LRRK1: variants seen among roughly 807,000 people sequenced by gnomAD.
LRRK1 encodes leucine rich repeat kinase 1, also known as leucine-rich repeat serine/threonine-protein kinase 1.
LRRK1 carries 113 observed loss-of-function variants against 209.1 expected under a neutral mutation model. The ratio of observed to expected loss-of-function variants is 0.54; its 90% confidence interval spans 0.46 to 0.63. LRRK1 has a LOEUF of 0.63. Among genes scored for constraint, LRRK1 ranks in the 30% least tolerant of loss-of-function variants. The pLI, the probability that LRRK1 is intolerant of heterozygous loss-of-function variation, is 0.00. For missense variants in LRRK1, 2,284 were observed against 2,632.2 expected (o/e 0.87, Z 2.89); for synonymous variants, 1,144 against 1,099.7 (o/e 1.04, Z -0.80).
chr15:100,923,625 T>TA (rs1390017896), intron 1 of LRRK1, among the ~76,000 whole-genome samples: 1 of 152,172 alleles, frequency 6.6e-6, no homozygotes, highest in Non-Finnish European at 1.5e-5. Context: ...GATGGGCACT[T>TA]ATGCCCATGG....
At chr15:100,959,517 G>A (rs963885668) in intron 2 of LRRK1, among the ~76,000 whole-genome samples, 1 of 152,150 alleles carries the variant, frequency 6.6e-6, no homozygotes, top group African/African-American at 2.4e-5. Flanking sequence ...AAAGCGTAAG[G>A]GCTCCTTCCA....
intron 25 of LRRK1, 60 bp from the exon 26 acceptor site, chr15:101,053,159 TAGAG>T (rs1173824308): frequency 3.8e-6 from 6 of 1,589,756 alleles, no homozygotes; most frequent in African/African-American, 2.7e-5. Flanking sequence ...TGTGCGGCCT[TAGAG>T]AGGCCTGAGG....
Position 101,055,129 on chromosome 15 carries a change from C to T in LRRK1, c.4238C>T (p.Ser1413Leu), listed in dbSNP as rs558517232. The change falls in exon 27 of 34, where the codon TCG (serine) becomes TTG (leucine). Residue 1413 changes from serine (S) to leucine (L), a missense_variant. Coordinates refer to ENST00000388948, the MANE Select transcript of LRRK1 (RefSeq NM_024652.6). The part of the protein sequence containing the change: ...INIKLSDYGI[S>L]RQSFHEGALG... Reference sequence around the variant, plus strand: ...ATCAAGCTATCTGACTACGGGATTTCGAGGCAGTCATTCCATGAGGGCGCC... The same window carrying T: ...ATCAAGCTATCTGACTACGGGATTTTGAGGCAGTCATTCCATGAGGGCGCC... The T allele has an allele frequency of 5.6e-6, 9 of 1,613,668 alleles. No homozygotes were observed. The highest frequency in any genetic ancestry group is 1.3e-5 in the African/African-American group (1 of 75,046).
chr15:100,947,320 A>T (rs976544856), intron 2 of LRRK1, among the ~76,000 whole-genome samples: 5 of 152,246 alleles, frequency 3.3e-5, no homozygotes, highest in African/African-American at 1.2e-4. Context: ...AGAAAAAAAT[A>T]GAAACAATTG....
chr15:100,939,871 G>A (rs764752401), intron 2 of LRRK1, among the ~76,000 whole-genome samples: 5 of 152,200 alleles, frequency 3.3e-5, no homozygotes, highest in Non-Finnish European at 7.3e-5. Context: ...GGCGGCCAAT[G>A]AAGGTGGGGT....
Position 100,919,821 on chromosome 15 carries a change from C to A in LRRK1, c.-123+370C>A, listed in dbSNP as rs574650087. Among the ~76,000 whole-genome samples the A allele has an allele frequency of 1.7e-3, 261 of 152,160 alleles. 3 individuals carry two copies. The highest frequency in any genetic ancestry group is 5.7e-3 in the African/African-American group (236 of 41,502). ...AGAGACACGAGTCGGGAGACACGAGCCGGGGAGCCCATAGGTTTCCTCTGC... is the reference window on the plus strand; with the variant it reads ...AGAGACACGAGTCGGGAGACACGAGACGGGGAGCCCATAGGTTTCCTCTGC... On this transcript the variant is annotated intron_variant, in intron 1 of 33. Transcript: ENST00000388948. This position sits in a 1 kb window ranked among gnomAD's most constrained non-coding sequence, Gnocchi z 5.8.
chr15:101,031,797 C>T (rs572014806), intron 20 of LRRK1, among the ~76,000 whole-genome samples: 15 of 151,704 alleles, frequency 9.9e-5, no homozygotes, highest in East Asian at 7.7e-4. Flanking sequence ...TGCAGTGGCA[C>T]GATCTTGGCT....
chr15:101,061,949 A>C (rs1218064401), intron 30 of LRRK1, among the ~76,000 whole-genome samples: 1 of 152,210 alleles, frequency 6.6e-6, no homozygotes, highest in South Asian at 2.1e-4. Context: ...TGGAGGTTGC[A>C]ATGAGCCAAG....
chr15:101,010,341 C>A, intron 7 of LRRK1, 109 bp from the exon 8 acceptor site: 1 of 1,183,644 alleles, frequency 8.4e-7, no homozygotes, highest in Non-Finnish European at 1.2e-6. Context: ...TTTAACCTTG[C>A]ATGGGGAGAA....
chr15:100,982,719 C>T (rs1049127363), intron 3 of LRRK1, among the ~76,000 whole-genome samples: 8 of 152,180 alleles, frequency 5.3e-5, no homozygotes, highest in Admixed American at 2.6e-4. Flanking sequence ...CAGGATGGTT[C>T]TTCAGAGAGC....
At chr15:100,933,563 G>A (rs758482012) in intron 2 of LRRK1, among the ~76,000 whole-genome samples, 3 of 151,884 alleles carry the variant, frequency 2.0e-5, no homozygotes, top group Non-Finnish European at 2.9e-5. Flanking sequence ...GTAACACACT[G>A]GTAATCACAG....
chr15:101,058,086 T>G lies in LRRK1; in HGVS notation c.4624T>G (p.Ser1542Ala). The G allele has an allele frequency of 1.2e-6, 2 of 1,614,166 alleles. No homozygotes were observed. The highest frequency in any genetic ancestry group is 1.7e-6 in the Non-Finnish European group (2 of 1,180,028). Reference protein sequence around the residue: ...LCCGKQTAFFSSQGQEYTVVF... With the variant: ...LCCGKQTAFFASQGQEYTVVF... ...CTGTGGGAAGCAGACAGCCTTCTTC[T>G]CATCCCAGGGCCAGGAGTACACCGT... is the stretch of plus-strand genomic sequence containing the variant. The change falls in exon 29 of 34, where the codon TCA (serine) becomes GCA (alanine). Residue 1542 changes from serine to alanine, a missense_variant. Physicochemically the swap from Ser to Ala is moderately conservative, Grantham distance 99. This residue lies in a region of LRRK1 where 643 missense variants were observed against 695.9 expected (regional missense o/e 0.92). Coordinates refer to ENST00000388948, the MANE Select transcript of LRRK1 (RefSeq NM_024652.6).
intron 6 of LRRK1, among the ~76,000 whole-genome samples, chr15:101,000,348 T>TAGA (rs1209325205): frequency 1.3e-5 from 2 of 152,224 alleles, no homozygotes; most frequent in African/African-American, 4.8e-5. Context: ...TTCCTTTTGT[T>TAGA]ATCTGTGTGA....
intron 33 of LRRK1, chr15:101,067,117 A>G (rs1469075468): frequency 5.3e-6 from 2 of 377,768 alleles, no homozygotes; most frequent in East Asian, 1.4e-4. Context: ...ACCAGCCCAC[A>G]CAGCACCCTA....
At chr15:101,063,965 C>G (rs919584867) in intron 31 of LRRK1, among the ~76,000 whole-genome samples, 1 of 152,208 alleles carries the variant, frequency 6.6e-6, no homozygotes, top group African/African-American at 2.4e-5. Context: ...GAGCCCCCAG[C>G]CAGGGCACCA....
intron 20 of LRRK1, among the ~76,000 whole-genome samples, chr15:101,036,647 G>C (rs1346422408): frequency 6.6e-6 from 1 of 151,994 alleles, no homozygotes; most frequent in Non-Finnish European, 1.5e-5. Flanking sequence ...GAGAATTATT[G>C]TTTTCCTTTG....
rs774585715 is a variant in LRRK1, at chr15:101,051,837, A to C, written c.3566A>C (p.Asp1189Ala). ...SEKSEDVQYFDMEDCVLTAIE... is the reference protein window; with the variant it reads ...SEKSEDVQYFAMEDCVLTAIE... ...AAATCAGAGGATGTGCAGTACTTCGACATGGAAGACTGTGTCCTGACGGCC... is the reference window on the plus strand; with the variant it reads ...AAATCAGAGGATGTGCAGTACTTCGCCATGGAAGACTGTGTCCTGACGGCC... The change falls in exon 24 of 34, where the codon GAC becomes GCC. Residue 1189 changes from aspartate (D) to alanine (A), a missense_variant. By Grantham distance (126) the Asp-to-Ala change is moderately radical. Transcript: ENST00000388948. The C allele has an allele frequency of 5.6e-6, 9 of 1,614,132 alleles. No homozygotes were observed. Among genetic ancestry groups the C allele is most frequent in the Non-Finnish European group, 7.6e-6 (9 of 1,180,022 alleles).
At chr15:100,973,390 A>T (rs1196708047) in intron 2 of LRRK1, among the ~76,000 whole-genome samples, 1 of 151,820 alleles carries the variant, frequency 6.6e-6, no homozygotes, top group Admixed American at 6.5e-5. Context: ...GGATGTCCAC[A>T]CCCCCGGGAG....
At chr15:100,942,869 T>C (rs951536870) in intron 2 of LRRK1, among the ~76,000 whole-genome samples, 1 of 152,012 alleles carries the variant, frequency 6.6e-6, no homozygotes, top group Non-Finnish European at 1.5e-5. Context: ...AGTGGGCGGG[T>C]GGGGTGTGCA....
Sources: gnomAD v4.1 joint callset for allele counts (sites outside exome capture counted in the v4.1 genomes callset) on GRCh38, gnomAD v4.1.1 for gene constraint, gnomAD v4.1.1 regional missense constraint, Gnocchi (gnomAD v3.1) non-coding constraint, MANE v1.5 for transcripts, NCBI Gene and HGNC (gene_info 2026-07-23, HGNC 2026-07-21) for gene names.